CCDC91: variants seen among roughly 807,000 people sequenced by gnomAD.
The protein encoded by CCDC91 is coiled-coil domain containing 91, also known as coiled-coil domain-containing protein 91.
In CCDC91, 48 loss-of-function variants were observed where a neutral mutation model predicts 63.2. That is an observed-to-expected ratio of 0.76 (90% CI 0.60 to 0.97). The LOEUF (loss-of-function observed/expected upper bound fraction) is 0.97, where lower values mean the gene tolerates loss of function less well. Ranked by LOEUF, CCDC91 falls within the 50% of genes least tolerant of loss-of-function variation. CCDC91 has a pLI of 0.00. For missense variants in CCDC91, 500 were observed against 494.6 expected, an observed-to-expected ratio of 1.01 and a Z score of -0.10; for synonymous variants, 167 against 165.8, an observed-to-expected ratio of 1.01 and a Z score of -0.06.
intron 1 of CCDC91, among the ~76,000 whole-genome samples, chr12:28,254,526 T>C (rs1039969303): frequency 2.6e-5 from 4 of 152,184 alleles, no homozygotes; most frequent in African/African-American, 7.2e-5. Context: ...ATATTTCCTT[T>C]TAAAAACTGT....
At chr12:28,389,775 AT>A (rs1945823195) in intron 7 of CCDC91, among the ~76,000 whole-genome samples, 1 of 151,992 alleles carries the variant, frequency 6.6e-6, no homozygotes, top group Non-Finnish European at 1.5e-5. Context: ...ATAGAATGAC[AT>A]TTTTTTCTCT....
chr12:28,270,748 T>A (rs1447660057), intron 3 of CCDC91, among the ~76,000 whole-genome samples: 2 of 152,142 alleles, frequency 1.3e-5, no homozygotes, highest in Admixed American at 6.6e-5. Flanking sequence ...TTGATTAAAT[T>A]TGTGAAATTT....
chr12:28,302,625 A>G (rs1938204883), intron 3 of CCDC91: 1 of 984,258 alleles, frequency 1.0e-6, no homozygotes, highest in South Asian at 4.7e-5. Context: ...AGAGTCAGGG[A>G]ATGTTAGTAG....
intron 8 of CCDC91, 33 bp from the exon 9 acceptor site, chr12:28,450,128 G>T: frequency 8.0e-7 from 1 of 1,253,948 alleles, no homozygotes; most frequent in Non-Finnish European, 1.1e-6. Flanking sequence ...CTGTCTCAGA[G>T]CCATAATATA....
chr12:28,440,983 G>A (rs1258893662), intron 8 of CCDC91, among the ~76,000 whole-genome samples: 4 of 141,942 alleles, frequency 2.8e-5, no homozygotes, highest in Admixed American at 1.5e-4. Context: ...ATTTGAATCC[G>A]GGAGGTGGAG....
intron 1 of CCDC91, among the ~76,000 whole-genome samples, chr12:28,232,431 T>G (rs1186514300): frequency 6.6e-6 from 1 of 152,146 alleles, no homozygotes; most frequent in Non-Finnish European, 1.5e-5. Context: ...TATGTACTTG[T>G]GTGATGCCAT....
chr12:28,476,017 T>TA (rs897534477), intron 11 of CCDC91, among the ~76,000 whole-genome samples: 8 of 151,918 alleles, frequency 5.3e-5, no homozygotes, highest in Non-Finnish European at 1.0e-4. Flanking sequence ...GTATTTTGGT[T>TA]AAAAAAACTG....
chr12:28,319,180 G>A (rs1233198032), intron 6 of CCDC91, among the ~76,000 whole-genome samples: 2 of 151,610 alleles, frequency 1.3e-5, no homozygotes, highest in Admixed American at 6.6e-5. Flanking sequence ...AAACTGTTTC[G>A]GTGAATTTAA....
intron 1 of CCDC91, among the ~76,000 whole-genome samples, chr12:28,209,251 G>A (rs1034129363): frequency 6.6e-6 from 1 of 152,094 alleles, no homozygotes; most frequent in African/African-American, 2.4e-5. Flanking sequence ...CATAAGGTGA[G>A]ATTCTCATAA....
chr12:28,334,796 T>C (rs1372756811), intron 6 of CCDC91, among the ~76,000 whole-genome samples: 1 of 152,078 alleles, frequency 6.6e-6, no homozygotes, highest in African/African-American at 2.4e-5. Flanking sequence ...CCAAAAGCAC[T>C]TGGGCACCAA....
intron 8 of CCDC91, among the ~76,000 whole-genome samples, chr12:28,428,764 A>G (rs531256357): frequency 6.6e-6 from 1 of 151,992 alleles, no homozygotes; most frequent in South Asian, 2.1e-4. Flanking sequence ...TCTAAAATAT[A>G]TTTAAAATAT....
chr12:28,414,473 C>G (rs1947517984), intron 8 of CCDC91, among the ~76,000 whole-genome samples: 1 of 151,628 alleles, frequency 6.6e-6, no homozygotes, highest in African/African-American at 2.4e-5. Context: ...CAAAAAGTAC[C>G]CCAACATTTA....
At chr12:28,373,816 T>A (rs1179163494) in intron 7 of CCDC91, among the ~76,000 whole-genome samples, 2 of 152,116 alleles carry the variant, frequency 1.3e-5, no homozygotes, top group South Asian at 4.1e-4. Flanking sequence ...ATGGTGCAGT[T>A]TCCCCCATGT....
In CCDC91 at chr12:28,195,153, C is replaced by T. The variant is rs556499869; in HGVS notation, c.-15+4512C>T. ...CCATTTTACAGAGTGCTGATTGGTC[C>T]GTTTTACAGAGTGCTGATTGGTCCG... is the stretch of plus-strand genomic sequence containing the variant. On this transcript the variant is annotated intron_variant, in intron 1 of 12. Transcript: ENST00000536442. Among the ~76,000 whole-genome samples, 7 of 89,122 alleles carry T rather than the reference C, an allele frequency of 7.9e-5. No individual in the cohort carries two copies. The South Asian group carries it at 1.2e-3, about 15-fold the overall frequency. The allele number at this position is 89,122 out of a possible 152,430, so 58.5% of individuals were successfully genotyped here.
intron 12 of CCDC91, among the ~76,000 whole-genome samples, chr12:28,519,347 A>G (rs565136237): frequency 5.3e-5 from 8 of 151,870 alleles, no homozygotes; most frequent in Admixed American, 2.6e-4. Context: ...GGGGTTGAGT[A>G]CGTGATTTGA....
chr12:28,548,984 T>C, intron 12 of CCDC91, 79 bp from the exon 13 acceptor site: 2 of 965,084 alleles, frequency 2.1e-6, no homozygotes, highest in Non-Finnish European at 1.6e-6. Flanking sequence ...TCTAGTGGGC[T>C]TCAGAGACAT....
At chr12:28,406,611 G>T (rs1029762794) in intron 8 of CCDC91, among the ~76,000 whole-genome samples, 22 of 152,066 alleles carry the variant, frequency 1.4e-4, no homozygotes, top group Non-Finnish European at 2.8e-4. Context: ...AAGAGCAGAA[G>T]TTTTAAGGTT....
At chr12:28,302,778 G>A (rs1332685874) in intron 3 of CCDC91, 1 of 234,810 alleles carries the variant, frequency 4.3e-6, no homozygotes, top group Non-Finnish European at 6.9e-6. Context: ...TGGTATACCT[G>A]TTGGACAACT....
At chr12:28,519,346 T>A (rs1170376500) in intron 12 of CCDC91, among the ~76,000 whole-genome samples, 1 of 151,808 alleles carries the variant, frequency 6.6e-6, no homozygotes, top group African/African-American at 2.4e-5. Context: ...AGGGGTTGAG[T>A]ACGTGATTTG....
Sources: gnomAD v4.1 joint callset for allele counts (sites outside exome capture counted in the v4.1 genomes callset) on GRCh38, gnomAD v4.1.1 for gene constraint, MANE v1.5 for transcripts, NCBI Gene and HGNC (gene_info 2026-07-23, HGNC 2026-07-21) for gene names.